Variants in TRAF2 observed in about 807,000 individuals in gnomAD.
The protein encoded by TRAF2 is TNF receptor associated factor 2, also known as TNF receptor-associated factor 2.
TRAF2 carries 6 observed loss-of-function variants against 55.6 expected under a neutral mutation model. That is an observed-to-expected ratio of 0.11 (90% CI 0.06 to 0.21). The LOEUF is 0.21. Ranked by LOEUF, TRAF2 falls within the 10% of genes least tolerant of loss-of-function variation. The probability of loss-of-function intolerance (pLI) is 1.00; values close to 1 mark genes in which losing one functional copy is unlikely to be tolerated. For missense variants in TRAF2, 561 were observed against 684.5 expected, an observed-to-expected ratio of 0.82 and a Z score of 2.01; for synonymous variants, 329 against 276.3, an observed-to-expected ratio of 1.19 and a Z score of -1.89.
At chr9:136,900,977 C>T (rs1056176945) in intron 4 of TRAF2, among the ~76,000 whole-genome samples, 10 of 152,174 alleles carry the variant, frequency 6.6e-5, no homozygotes, top group Non-Finnish European at 1.0e-4. Context: ...CTTGTATCCA[C>T]AAAGGATTGC....
intron 6 of TRAF2, among the ~76,000 whole-genome samples, chr9:136,912,525 T>C (rs1239575695): frequency 6.6e-6 from 1 of 152,142 alleles, no homozygotes; most frequent in East Asian, 1.9e-4. Flanking sequence ...TGTTTTATGT[T>C]ATATATAGAG....
intron 4 of TRAF2, among the ~76,000 whole-genome samples, chr9:136,903,331 G>A (rs1849864838): frequency 6.6e-6 from 1 of 152,182 alleles, no homozygotes. Flanking sequence ...ATTCCCCAGT[G>A]GGCCCCTGAG....
intron 5 of TRAF2, 82 bp downstream of exon 5, chr9:136,908,313 G>A (rs1850008122): frequency 7.0e-7 from 1 of 1,419,182 alleles, no homozygotes; most frequent in East Asian, 2.5e-5. Context: ...CACTGCGGCT[G>A]CGTCGGCCCC....
At chr9:136,925,281 T>C (rs1323151176) in intron 10 of TRAF2, among the ~76,000 whole-genome samples, 1 of 152,204 alleles carries the variant, frequency 6.6e-6, no homozygotes, top group African/African-American at 2.4e-5. Context: ...AGGTTCTCCC[T>C]GAAAAGTGCT....
upstream of TRAF2, chr9:136,882,615 C>T: frequency 1.0e-6 from 1 of 973,198 alleles, no homozygotes; most frequent in Non-Finnish European, 1.2e-6. Flanking sequence ...CATACCCTCC[C>T]CCTGCCCCTG....
chr9:136,886,381 G>T, upstream of TRAF2: 1 of 984,634 alleles, frequency 1.0e-6, no homozygotes, highest in South Asian at 4.5e-5. Context: ...CTCGGAGCGG[G>T]GCGTATCTGG....
intron 4 of TRAF2, among the ~76,000 whole-genome samples, chr9:136,901,666 G>C (rs1849823074): frequency 6.6e-6 from 1 of 152,192 alleles, no homozygotes. Flanking sequence ...ATCCAATCCA[G>C]CCCCAGGTTG....
chr9:136,917,711 G>GT (rs1409227314), intron 7 of TRAF2, among the ~76,000 whole-genome samples: 1 of 152,280 alleles, frequency 6.6e-6, no homozygotes, highest in Admixed American at 6.5e-5. Flanking sequence ...TAGGTATTGT[G>GT]TTTTTTTCCT....
intron 7 of TRAF2, among the ~76,000 whole-genome samples, chr9:136,918,058 G>A (rs1025055560): frequency 4.6e-5 from 7 of 151,884 alleles, no homozygotes; most frequent in African/African-American, 1.2e-4. Flanking sequence ...TCCACGCCGC[G>A]CACAGCATGG....
rs1850523483 is a variant in TRAF2, at chr9:136,926,018, C to T, written c.*117C>T. 7.8e-7 allele frequency: 1 copy of T among 1,280,790 alleles called. No homozygotes were observed. The highest frequency in any genetic ancestry group is 1.1e-6 in the Non-Finnish European group (1 of 894,262). 79.3% of individuals were successfully genotyped at this position (1,280,790 alleles called of 1,614,324 possible). On this transcript the variant is annotated 3_prime_UTR_variant, in exon 11 of 11. Transcript: ENST00000247668. ...AGTGGGCAGGGGCCGCGCTTGGGCG[C>T]TTGGGAGGGTGTCGGCCTGCAGCCA...
At chr9:136,898,567 C>G (rs765796652) in intron 1 of TRAF2, 146 bp from the exon 2 acceptor site, 99 of 1,447,448 alleles carry the variant, frequency 6.8e-5, no homozygotes, top group Middle Eastern at 2.4e-4. Context: ...CCCTGAAGCT[C>G]TGCGATTCTG....
At chr9:136,921,264 C>A in intron 9 of TRAF2, 49 bp downstream of exon 9, 1 of 1,606,288 alleles carries the variant, frequency 6.2e-7, no homozygotes, top group African/African-American at 1.3e-5. Context: ...TTACTTGGCA[C>A]CTGGGTCCCC....
At chr9:136,893,789 G>C (rs908852642) in intron 1 of TRAF2, among the ~76,000 whole-genome samples, 1 of 152,070 alleles carries the variant, frequency 6.6e-6, no homozygotes, top group East Asian at 1.9e-4. Context: ...TCACTGCAAT[G>C]CGCAGGCTGG....
chr9:136,922,204 C>T (rs552201644), intron 9 of TRAF2, among the ~76,000 whole-genome samples: 18 of 152,328 alleles, frequency 1.2e-4, no homozygotes, highest in Admixed American at 3.3e-4. Context: ...CCAAGGCCTT[C>T]AGCAGGGACC....
chr9:136,918,254 TA>T (rs1564419479), intron 7 of TRAF2, among the ~76,000 whole-genome samples: 32 of 114,270 alleles, frequency 2.8e-4, no homozygotes, highest in Middle Eastern at 7.4e-3. Flanking sequence ...TATATATATA[TA>T]TATTTATTTA....
chr9:136,900,179 AAAAGAAT>A (rs1440132883), intron 3 of TRAF2, among the ~76,000 whole-genome samples: 2 of 126,024 alleles, frequency 1.6e-5, no homozygotes. Flanking sequence ...TAAAAAAAAA[AAAAGAAT>A]AAAGGGCCGC....
intron 4 of TRAF2, among the ~76,000 whole-genome samples, chr9:136,903,293 G>A (rs1290761237): frequency 6.6e-6 from 1 of 152,206 alleles, no homozygotes; most frequent in Non-Finnish European, 1.5e-5. Flanking sequence ...TTGATGGAGT[G>A]CTTGCTGAGT....
At chr9:136,912,151 C>CTTTTTT (rs1468376221) in intron 6 of TRAF2, among the ~76,000 whole-genome samples, 8 of 115,482 alleles carry the variant, frequency 6.9e-5, no homozygotes, top group African/African-American at 3.0e-4. Context: ...TGCGTCTGGC[C>CTTTTTT]CTTTTTTTTT....
chr9:136,908,002 C>T (rs1328425476), intron 4 of TRAF2, 68 bp from the exon 5 acceptor site: 28 of 1,540,190 alleles, frequency 1.8e-5, no homozygotes, highest in African/African-American at 8.2e-5. Context: ...CTTGTGTCCC[C>T]GGGTGAAGCT....
Sources: gnomAD v4.1 joint callset for allele counts (sites outside exome capture counted in the v4.1 genomes callset) on GRCh38, gnomAD v4.1.1 for gene constraint, MANE v1.5 for transcripts, NCBI Gene and HGNC (gene_info 2026-07-23, HGNC 2026-07-21) for gene names.